The following PRKN variants were observed in gnomAD, a reference collection of about 807,000 sequenced individuals.
PRKN encodes the protein E3 ubiquitin-protein ligase parkin.
In PRKN, 56 loss-of-function variants were observed where a neutral mutation model predicts 59.5. That is an observed-to-expected ratio of 0.94 (90% CI 0.76 to 1.18). The LOEUF (loss-of-function observed/expected upper bound fraction) is 1.18. Ranked by LOEUF, PRKN falls within the 50% of genes most tolerant of loss-of-function variation. The pLI is 0.00. For missense variants in PRKN, 657 were observed against 596.4 expected, an observed-to-expected ratio of 1.10 and a Z score of -1.06; for synonymous variants, 250 against 222.1, an observed-to-expected ratio of 1.13 and a Z score of -1.12.
In PRKN at chr6:162,687,685, A is replaced by G. The variant is rs138307471; in HGVS notation, c.7+39977T>C. 4.5e-3 allele frequency among the ~76,000 whole-genome samples: 684 copies of G among 152,296 alleles called. 4 individuals carry two copies. Among genetic ancestry groups the G allele is most frequent in the African/African-American group, 0.016 (653 of 41,566 alleles). ...AAAAATTCCCCTTCTGAAAAATTAT[A>G]ACAATTTGTTATTGAAGATGTGTAT... On this transcript the variant is annotated intron_variant, in intron 1 of 11. Coordinates refer to ENST00000366898, the MANE Select transcript of PRKN (RefSeq NM_004562.3).
At chr6:161,944,119 G>A (rs1034510203) in intron 6 of PRKN, among the ~76,000 whole-genome samples, 1 of 143,354 alleles carries the variant, frequency 7.0e-6, no homozygotes, top group Non-Finnish European at 1.5e-5. Flanking sequence ...ATCAGCCTGA[G>A]GGACCAGCCT....
rs7744126 is a variant in PRKN at position 161,367,191 on chromosome 6, C to A, written c.1168-6986G>T. ...AGAGACGGGGTTTCACCATGTTAGC[C>A]GGGATGGTCTCGATCTCCTGACCTT... On this transcript the variant is annotated intron_variant, in intron 10 of 11. Coordinates refer to ENST00000366898, the MANE Select transcript of PRKN (RefSeq NM_004562.3). 3.3e-4 allele frequency among the ~76,000 whole-genome samples: 50 copies of A among 151,828 alleles called. No homozygotes were observed. In the East Asian group the frequency reaches 9.3e-3, roughly 28 times the overall value.
chr6:162,543,641 T>C (rs919993762), intron 1 of PRKN, among the ~76,000 whole-genome samples: 3 of 152,124 alleles, frequency 2.0e-5, no homozygotes, highest in South Asian at 4.1e-4. Context: ...TCTGTAATAC[T>C]TGTAATTACT....
At chr6:161,899,108 G>C (rs766002241) in intron 6 of PRKN, among the ~76,000 whole-genome samples, 1 of 152,186 alleles carries the variant, frequency 6.6e-6, no homozygotes, top group African/African-American at 2.4e-5. Flanking sequence ...CCTCCACCCC[G>C]CAGCTATGTC....
intron 2 of PRKN, among the ~76,000 whole-genome samples, chr6:162,305,518 G>A (rs888379444): frequency 5.9e-5 from 9 of 151,870 alleles, no homozygotes; most frequent in African/African-American, 9.7e-5. Flanking sequence ...AACGAGCTTC[G>A]CTCTTATTTC....
intron 7 of PRKN, among the ~76,000 whole-genome samples, chr6:161,779,435 C>CTTTTATTTTTTT (rs1583153971): frequency 2.5e-5 from 1 of 40,432 alleles, no homozygotes; most frequent in Non-Finnish European, 4.9e-5. Flanking sequence ...TTTTTCTTTT[C>CTTTTATTTTTTT]TTTTCTTTTT....
chr6:161,519,508 A>C (rs771401390), intron 9 of PRKN, among the ~76,000 whole-genome samples: 16 of 152,216 alleles, frequency 1.1e-4, no homozygotes, highest in Non-Finnish European at 2.1e-4. Flanking sequence ...AGTGAAAGAC[A>C]GGTGGATTCA....
chr6:162,472,936 T>C (rs549811231), intron 1 of PRKN, among the ~76,000 whole-genome samples: 72 of 151,858 alleles, frequency 4.7e-4, no homozygotes, highest in Non-Finnish European at 7.5e-4. Context: ...CCTATAGTTG[T>C]GGTGTTTTGG....
chr6:162,668,996 G>A (rs1235677727), intron 1 of PRKN, among the ~76,000 whole-genome samples: 1 of 152,144 alleles, frequency 6.6e-6, no homozygotes. Flanking sequence ...ATTCCCGTTT[G>A]AGAATCTGAA....
At chr6:162,475,416 G>C (rs921168551) in intron 1 of PRKN, among the ~76,000 whole-genome samples, 5 of 152,166 alleles carry the variant, frequency 3.3e-5, no homozygotes, top group Non-Finnish European at 1.5e-5. Context: ...AAATAACAGA[G>C]GAAGAGAAAA....
intron 4 of PRKN, among the ~76,000 whole-genome samples, chr6:162,127,815 C>T (rs1014938595): frequency 6.6e-6 from 1 of 152,184 alleles, no homozygotes; most frequent in African/African-American, 2.4e-5. Context: ...TGAGAGGTAT[C>T]TTTACTGGCA....
chr6:162,414,642 C>T (rs1239048680), intron 2 of PRKN, among the ~76,000 whole-genome samples: 10 of 141,510 alleles, frequency 7.1e-5, no homozygotes, highest in Admixed American at 4.4e-4. Flanking sequence ...GCCCAGGAGG[C>T]GGAGGTTGCA....
intron 9 of PRKN, among the ~76,000 whole-genome samples, chr6:161,505,728 T>C (rs150130316): frequency 0.021 from 1,439 of 67,186 alleles, no homozygotes; most frequent in Non-Finnish European, 0.025. Context: ...GGATCCAGTT[T>C]CAGCTTTCTA....
chr6:162,495,446 G>A (rs1793017492), intron 1 of PRKN, among the ~76,000 whole-genome samples: 1 of 152,066 alleles, frequency 6.6e-6, no homozygotes, highest in Non-Finnish European at 1.5e-5. Flanking sequence ...AGTGGCTGGG[G>A]GAGGGAGGTG....
rs764454803 is a variant in PRKN, at chr6:162,443,777, T to C, written c.8-304A>G. Among the ~76,000 whole-genome samples the C allele has an allele frequency of 6.6e-5, 10 of 152,140 alleles. 1 individual carries two copies. Among genetic ancestry groups the C allele is most frequent in the Non-Finnish European group, 1.2e-4 (8 of 68,032 alleles). ...GAGCAGGACACTTGCTTGATTGGAA[T>C]TGAAAGAGTCCCATGAGTTTATTGA... On this transcript the variant is annotated intron_variant, in intron 1 of 11. Coordinates refer to ENST00000366898, the MANE Select transcript of PRKN (RefSeq NM_004562.3).
rs762726832 is a variant in PRKN, at chr6:161,475,204, T to C, written c.1083+73650A>G. Among the ~76,000 whole-genome samples the C allele has an allele frequency of 1.3e-5, 2 of 152,182 alleles. No homozygotes were observed. The highest frequency in any genetic ancestry group is 1.5e-5 in the Non-Finnish European group (1 of 68,048). On this transcript the variant is annotated intron_variant, in intron 9 of 11. Coordinates refer to ENST00000366898, the MANE Select transcript of PRKN (RefSeq NM_004562.3). This position sits in a 1 kb window ranked among gnomAD's most constrained non-coding sequence, Gnocchi z 5.3. ...ATGCCTGACCCACTATTACCTATAC[T>C]TATAGTAGATTGCATGTGATCGCTG...
At chr6:162,205,645 G>A (rs1258333304) in intron 3 of PRKN, among the ~76,000 whole-genome samples, 1 of 152,064 alleles carries the variant, frequency 6.6e-6, no homozygotes, top group East Asian at 1.9e-4. Flanking sequence ...TATCACATGA[G>A]CTATTAAAAT....
At position 161,480,901 on chromosome 6, in the gene PRKN, T is replaced by G. The variant is rs1022563865; in HGVS notation, c.1083+67953A>C. 1.3e-5 allele frequency among the ~76,000 whole-genome samples: 2 copies of G among 152,146 alleles called. No homozygotes were observed. The highest frequency in any genetic ancestry group is 4.8e-5 in the African/African-American group (2 of 41,416). On this transcript the variant is annotated intron_variant, in intron 9 of 11. Coordinates refer to ENST00000366898, the MANE Select transcript of PRKN (RefSeq NM_004562.3). This position sits in a 1 kb window ranked among gnomAD's most constrained non-coding sequence, Gnocchi z 4.1. ...AAGCAGTGTGCTAACAACCCATTGG[T>G]AACTGGAAAGGAAAGCTGATGGTGC... is the stretch of plus-strand genomic sequence containing the variant.
intron 1 of PRKN, chr6:162,569,509 C>T (rs1420649928): frequency 2.9e-6 from 2 of 700,126 alleles, no homozygotes; most frequent in South Asian, 1.4e-5. Context: ...ACATGAGTAT[C>T]CATACAAAGA....
Sources: allele counts gnomAD v4.1 joint callset (sites outside exome capture counted in the v4.1 genomes callset), GRCh38; gene constraint gnomAD v4.1.1; non-coding constraint Gnocchi (gnomAD v3.1); transcripts MANE v1.5; gene names NCBI Gene and HGNC (gene_info 2026-07-23, HGNC 2026-07-21).